Variants in SPTBN5 observed in about 807,000 individuals in gnomAD.
SPTBN5 encodes the protein spectrin beta chain, non-erythrocytic 5.
Under a neutral mutation model 477.6 loss-of-function variants are expected in SPTBN5, and 513 were observed. That is an observed-to-expected ratio of 1.07 (90% CI 1.00 to 1.16). SPTBN5 has a LOEUF of 1.16. Ranked by LOEUF, SPTBN5 falls within the 50% of genes most tolerant of loss-of-function variation. The pLI is 0.00. For missense variants in SPTBN5, 5,062 were observed against 4,731.8 expected (o/e 1.07, Z -2.05); for synonymous variants, 2,169 against 2,011.7 (o/e 1.08, Z -2.09).
Position 41,863,907 on chromosome 15 carries a change from G to A in SPTBN5, c.7034+2C>T, listed in dbSNP as rs971521606. ...TTTGGTTCTCCCCAGCCTGGGACTG[G>A]CCTGTTGTTGAGCTGGCTTCGCCGC... On this transcript the variant is annotated splice_donor_variant, in intron 40 of 67. Coordinates refer to ENST00000320955, the MANE Select transcript of SPTBN5 (RefSeq NM_016642.4). LOFTEE classifies it low-confidence loss of function (GC_TO_GT_DONOR). 1.2e-6 allele frequency: 2 copies of A among 1,613,752 alleles called. No individual in the cohort carries two copies. The highest frequency in any genetic ancestry group is 1.7e-6 in the Non-Finnish European group (2 of 1,179,782).
rs1032569168 is a variant in SPTBN5, at chr15:41,867,084, G to A, written c.6355C>T (p.Arg2119Trp). 16 of 1,544,802 alleles carry A rather than the reference G, an allele frequency of 1.0e-5. No individual in the cohort carries two copies. The African/African-American group carries it at 1.2e-4, about 12-fold the overall frequency. Reference protein sequence around the residue: ...RERLKTLRRPRVRDRLPILLQ... With the variant: ...RERLKTLRRPWVRDRLPILLQ... ...AGGATGGGAAGCCGGTCCCGCACCC[G>A]GGGGCGCCGGAGCGTCTTCAGCCGC... is the stretch of plus-strand genomic sequence containing the variant. Residue 2119 changes from arginine (R) to tryptophan (W), a missense_variant, in exon 36 of 68, where the codon CGG becomes TGG. By Grantham distance (101) the Arg-to-Trp change is moderately radical. Coordinates refer to ENST00000320955, the MANE Select transcript of SPTBN5 (RefSeq NM_016642.4).
chr15:41,884,935 T>C (rs1396791110), intron 7 of SPTBN5, among the ~76,000 whole-genome samples: 3 of 152,238 alleles, frequency 2.0e-5, no homozygotes, highest in Non-Finnish European at 4.4e-5. Flanking sequence ...TCGTCACTTC[T>C]TTCTGGTTTT....
Position 41,874,025 on chromosome 15 carries a change from T to C in SPTBN5, c.4710A>G (p.Lys1570=), listed in dbSNP as rs1288072297. Residue 1570 remains lysine, a synonymous_variant, in exon 25 of 68, where the codon AAA becomes AAG. Coordinates refer to ENST00000320955, the MANE Select transcript of SPTBN5 (RefSeq NM_016642.4). ...CCCGTTGCACCTGCCCCTGGTGAGC[T>C]TTTACCTCCACCTGGAGCTCCTGCC... ...RKHKELQVEV[K]AHQGQVQRVL... is the part of the protein sequence containing the mutation. 2 of 1,598,686 alleles carry C rather than the reference T, an allele frequency of 1.3e-6. No individual in the cohort carries two copies. Among genetic ancestry groups the C allele is most frequent in the South Asian group, 1.1e-5 (1 of 90,690 alleles).
Position 41,867,575 on chromosome 15 carries a change from T to C in SPTBN5, c.6275A>G (p.Glu2092Gly). 1 of 1,613,804 alleles carries C rather than the reference T, an allele frequency of 6.2e-7. No individual in the cohort carries two copies. Among genetic ancestry groups the C allele is most frequent in the Non-Finnish European group, 8.5e-7 (1 of 1,179,868 alleles). The change falls in exon 35 of 68, where the codon GAG becomes GGG. Residue 2092 changes from glutamate to glycine, a missense_variant. Coordinates refer to ENST00000320955, the MANE Select transcript of SPTBN5 (RefSeq NM_016642.4). ...GGCAGTCAGAACCTTCAGGAAGACC[T>C]CGTGCTTGCGAATCAACTGCTCTAC... ...EEVEQLIRKHEVFLKVLTAQD... is the reference protein window; with the variant it reads ...EEVEQLIRKHGVFLKVLTAQD...
chr15:41,855,727 A>C lies in SPTBN5; in HGVS notation c.9040T>G (p.Trp3014Gly). 6.3e-7 allele frequency: 1 copy of C among 1,586,066 alleles called. No homozygotes were observed. The highest frequency in any genetic ancestry group is 2.3e-5 in the East Asian group (1 of 43,972). ...AGGACATGGCCCCGCTCAGCCAGCC[A>C]GGATCCCGCCTCCAGGAGCTGGGGG... ...FLTELLEAGSWLAERGHVLDS... is the reference protein window; with the variant it reads ...FLTELLEAGSGLAERGHVLDS... The change falls in exon 54 of 68, where the codon TGG becomes GGG. Residue 3014 changes from tryptophan (W) to glycine (G), a missense_variant. Trp to Gly is a radical substitution (Grantham distance 184). Transcript: ENST00000320955.
chr15:41,851,045 G>T lies in SPTBN5; in HGVS notation c.10835+14C>A. 6.2e-7 allele frequency: 1 copy of T among 1,608,804 alleles called. No individual in the cohort carries two copies. The highest frequency in any genetic ancestry group is 8.5e-7 in the Non-Finnish European group (1 of 1,178,006). ...TGCTGGGGGTGATGCCGGAGTCCATGTCTCTCCGCTCACCTTAAGGAGAAT... is the reference window on the plus strand; with the variant it reads ...TGCTGGGGGTGATGCCGGAGTCCATTTCTCTCCGCTCACCTTAAGGAGAAT... On this transcript the variant is annotated intron_variant, in intron 65 of 67. Coordinates refer to ENST00000320955, the MANE Select transcript of SPTBN5 (RefSeq NM_016642.4).
rs1369563789 is a variant in SPTBN5 at position 41,857,667 on chromosome 15, G to A, written c.8270C>T (p.Ala2757Val). 1.9e-6 allele frequency: 3 copies of A among 1,587,554 alleles called. No individual in the cohort carries two copies. Among genetic ancestry groups the A allele is most frequent in the East Asian group, 2.3e-5 (1 of 43,596 alleles). ...LLQGGHPASE[A>V]IQERLEELGA... The stretch of plus-strand genomic sequence containing the variant: ...CAGCTCCTCCAGTCGCTCCTGGATG[G>A]CCTCCGAGGCTGGGTGGCCCCCCTG... The change falls in exon 50 of 68, where the codon GCC becomes GTC. Residue 2757 changes from alanine (A) to valine (V), a missense_variant. Ala to Val is a moderately conservative substitution (Grantham distance 64). Transcript: ENST00000320955.
intron 59 of SPTBN5, 102 bp downstream of exon 59, chr15:41,853,156 C>T (rs2065828728): frequency 6.7e-7 from 1 of 1,497,502 alleles, no homozygotes; most frequent in Non-Finnish European, 9.0e-7. Flanking sequence ...TGCGCCCAGC[C>T]TTCCTTTCCT....
rs1218810870 is a variant in SPTBN5, at chr15:41,873,916, G to A, written c.4819C>T (p.His1607Tyr). 36 of 1,611,040 alleles carry A rather than the reference G, an allele frequency of 2.2e-5. No individual in the cohort carries two copies. The highest frequency in any genetic ancestry group is 2.8e-5 in the Non-Finnish European group (33 of 1,179,890). Reference sequence around the variant, plus strand: ...CATGCCCTCTCCAGCTCTGCCCAGTGGCCTTCCAGCTCCTGGCACTGCTCC... The same window carrying A: ...CATGCCCTCTCCAGCTCTGCCCAGTAGCCTTCCAGCTCCTGGCACTGCTCC... Reference protein sequence around the residue: ...IVEQCQELEGHWAELERACEA... With the variant: ...IVEQCQELEGYWAELERACEA... The change falls in exon 25 of 68, where the codon CAC becomes TAC. Residue 1607 changes from histidine to tyrosine, a missense_variant. Physicochemically the swap from His to Tyr is moderately conservative, Grantham distance 83 (BLOSUM62 2). Transcript: ENST00000320955.
At position 41,862,820 on chromosome 15, in the gene SPTBN5, C is replaced by T. The variant is rs1165766601; in HGVS notation, c.7233G>A (p.Arg2411=). ...CCTGGGCCTGGATGGGGTGCACTTC[C>T]CGCTCCAGCTCCTCGTGTTTCCGCA... ...RLLRKHEELE[R]EVHPIQAQVE... The change falls in exon 42 of 68, where the codon CGG becomes CGA. Residue 2411 remains arginine, a synonymous_variant. Coordinates refer to ENST00000320955, the MANE Select transcript of SPTBN5 (RefSeq NM_016642.4). 5 of 1,583,420 alleles carry T rather than the reference C, an allele frequency of 3.2e-6. No homozygotes were observed. Among genetic ancestry groups the T allele is most frequent in the Non-Finnish European group, 4.3e-6 (5 of 1,165,932 alleles).
Position 41,868,381 on chromosome 15 carries a change from C to T in SPTBN5, c.6057+17G>A, listed in dbSNP as rs750018369. The T allele has an allele frequency of 9.4e-6, 15 of 1,593,104 alleles. No homozygotes were observed. Among genetic ancestry groups the T allele is most frequent in the Non-Finnish European group, 1.3e-5 (15 of 1,168,864 alleles). ...GGTCAGCTAGGGTATGTGGGGGCAC[C>T]AGGGGAGGGGGCCCACCTCCTTGGT... On this transcript the variant is annotated intron_variant, in intron 33 of 67. Coordinates refer to ENST00000320955, the MANE Select transcript of SPTBN5 (RefSeq NM_016642.4).
In SPTBN5 at chr15:41,878,525, C is replaced by T. The variant is rs545723279; in HGVS notation, c.3287G>A (p.Arg1096Gln). The change falls in exon 17 of 68, where the codon CGG becomes CAG. Residue 1096 changes from arginine (R) to glutamine (Q), a missense_variant. Physicochemically the swap from Arg to Gln is conservative, Grantham distance 43. Transcript: ENST00000320955. ...CCGGGCCTGAGTCTCAGCCTGGCGCCGGGCCCGTTGGGCCACTTGTTCCTG... is the reference window on the plus strand; with the variant it reads ...CCGGGCCTGAGTCTCAGCCTGGCGCTGGGCCCGTTGGGCCACTTGTTCCTG... ...QVQEQVAQRA[R>Q]RQAETQARQS... The T allele has an allele frequency of 3.0e-5, 48 of 1,612,986 alleles. No homozygotes were observed. The highest frequency in any genetic ancestry group is 1.1e-4 in the South Asian group (10 of 90,982).
At position 41,874,909 on chromosome 15, in the gene SPTBN5, C is replaced by T. The variant is rs779825320; in HGVS notation, c.4435G>A (p.Ala1479Thr). The T allele has an allele frequency of 1.7e-5, 28 of 1,613,104 alleles. No homozygotes were observed. The highest frequency in any genetic ancestry group is 4.5e-5 in the East Asian group (2 of 44,882). ...RTLAAKMAALASMAHGMAASP... is the reference protein window; with the variant it reads ...RTLAAKMAALTSMAHGMAASP... ...GCGGCCATGCCATGGGCCATGGAGG[C>T]GAGGGCAGCCATCTTGGCAGCCAGG... The change falls in exon 23 of 68, where the codon GCC becomes ACC. Residue 1479 changes from alanine to threonine, a missense_variant. Ala to Thr is a moderately conservative substitution (Grantham distance 58, BLOSUM62 0). Coordinates refer to ENST00000320955, the MANE Select transcript of SPTBN5 (RefSeq NM_016642.4).
rs1206740226 is a variant in SPTBN5 at position 41,851,759 on chromosome 15, A to C, written c.10656+20T>G. 6.3e-7 allele frequency: 1 copy of C among 1,577,998 alleles called. No individual in the cohort carries two copies. The highest frequency in any genetic ancestry group is 1.7e-5 in the Admixed American group (1 of 59,464). On this transcript the variant is annotated intron_variant, in intron 63 of 67. Transcript: ENST00000320955. ...CTGCAAGTGGGGAGCTGCCTGGAGAAGGAATCTCCAGGCACTCACCTGCCT... is the reference window on the plus strand; with the variant it reads ...CTGCAAGTGGGGAGCTGCCTGGAGACGGAATCTCCAGGCACTCACCTGCCT...
chr15:41,885,892 G>A lies in SPTBN5; in HGVS notation c.1363C>T (p.Pro455Ser), dbSNP rs1371147585. ...AEQVLDQARA[P>S]PASLATVEAA... ...TCCACTGTGGCCAGGCTGGCTGGCG[G>A]GGCTCTGGCCTGGTCTAGCACCTGC... is the stretch of plus-strand genomic sequence containing the variant. The change falls in exon 7 of 68, where the codon CCG (proline) becomes TCG (serine). Residue 455 changes from proline to serine, a missense_variant. Transcript: ENST00000320955. The A allele has an allele frequency of 1.9e-6, 3 of 1,584,206 alleles. No individual in the cohort carries two copies. Among genetic ancestry groups the A allele is most frequent in the Admixed American group, 3.6e-5 (2 of 56,034 alleles).
Position 41,893,333 on chromosome 15 carries a change from C to T in SPTBN5, c.165G>A (p.Met55Ile). The T allele has an allele frequency of 6.2e-7, 1 of 1,614,030 alleles. No homozygotes were observed. Among genetic ancestry groups the T allele is most frequent in the Admixed American group, 1.7e-5 (1 of 60,032 alleles). ...IRKLQARHMQ[M>I]QEKTFTKWIN... ...TCCACTTGGTGAAAGTCTTCTCCTG[C>T]ATCTGCATGTGCCGGGCCTGTAGCT... Residue 55 changes from methionine to isoleucine, a missense_variant, in exon 2 of 68, where the codon ATG becomes ATA. By Grantham distance (10) the Met-to-Ile change is conservative. Coordinates refer to ENST00000320955, the MANE Select transcript of SPTBN5 (RefSeq NM_016642.4).
At position 41,876,216 on chromosome 15, in the gene SPTBN5, C is replaced by T. The variant is rs1479267327; in HGVS notation, c.4020G>A (p.Glu1340=). Residue 1340 remains glutamate (E), a synonymous_variant, in exon 21 of 68, where the codon GAG becomes GAA. Coordinates refer to ENST00000320955, the MANE Select transcript of SPTBN5 (RefSeq NM_016642.4). ...GGATGTTTCTGCGCGCTCCGGAGGG[C>T]TCATGCGCAGCCATCAGCCCCTTCT... is the stretch of plus-strand genomic sequence containing the variant. The part of the protein sequence containing the change: ...MEEKGLMAAH[E]PSGARRNILQ... 6.2e-7 allele frequency: 1 copy of T among 1,604,274 alleles called. No individual in the cohort carries two copies. Among genetic ancestry groups the T allele is most frequent in the African/African-American group, 1.3e-5 (1 of 75,038 alleles).
chr15:41,850,026 C>T (rs1219651297), intron 66 of SPTBN5, 67 bp from the exon 67 acceptor site: 6 of 1,312,158 alleles, frequency 4.6e-6, no homozygotes, highest in Non-Finnish European at 6.5e-6. Context: ...GGTCTGGCTG[C>T]TCCTTCCTCC....
intron 60 of SPTBN5, 34 bp from the exon 61 acceptor site, chr15:41,852,769 T>TGCG (rs1555460252): frequency 3.1e-5 from 40 of 1,275,910 alleles, no homozygotes; most frequent in Non-Finnish European, 4.1e-5. Flanking sequence ...ACGCCCAGCT[T>TGCG]GGGGGGGGGG....
Sources: gnomAD v4.1 joint callset for allele counts (sites outside exome capture counted in the v4.1 genomes callset) on GRCh38, gnomAD v4.1.1 for gene constraint, MANE v1.5 for transcripts, NCBI Gene and HGNC (gene_info 2026-07-23, HGNC 2026-07-21) for gene names.